UBE3A: variants seen among roughly 807,000 people sequenced by gnomAD.
UBE3A encodes ubiquitin protein ligase E3A.
A neutral mutation model predicts 83.4 loss-of-function variants in UBE3A; 6 were observed. The observed-to-expected ratio is 0.07, with a 90% confidence interval of 0.04 to 0.14. The LOEUF (loss-of-function observed/expected upper bound fraction) is 0.14, where lower values mean the gene tolerates loss of function less well. Ranked by LOEUF, UBE3A falls within the 10% of genes least tolerant of loss-of-function variation. The pLI, the probability that UBE3A is intolerant of heterozygous loss-of-function variation, is 1.00. For synonymous variants in UBE3A, 337 were observed against 355.4 expected, an observed-to-expected ratio of 0.95 and a Z score of 0.58; for missense variants, 456 against 1,036.1, an observed-to-expected ratio of 0.44 and a Z score of 7.69.
rs1012735517 is a variant in UBE3A, at chr15:25,374,300, T to C, written c.361+1165A>G. ...ATAAGCACCTCTAAGATGGAGCACG[T>C]GGCCAAAAGAGCAGATGAGCACATT... On this transcript the variant is annotated intron_variant, in intron 5 of 12. Coordinates refer to ENST00000648336, the MANE Select transcript of UBE3A (RefSeq NM_130839.5). 6 of 152,388 alleles carry C rather than the reference T, an allele frequency of 3.9e-5. No homozygotes were observed. The East Asian group carries it at 1.2e-3, about 29-fold the overall frequency. 9.4% of individuals were successfully genotyped at this position (152,388 alleles called of 1,614,324 possible).
chr15:25,398,799 A>T (rs1405852980), intron 4 of UBE3A, among the ~76,000 whole-genome samples: 1 of 82,212 alleles, frequency 1.2e-5, no homozygotes, highest in East Asian at 1.2e-3. Context: ...ATATATATAT[A>T]TATATATATA....
chr15:25,397,055 G>C (rs896936192), intron 4 of UBE3A, among the ~76,000 whole-genome samples: 3 of 152,236 alleles, frequency 2.0e-5, no homozygotes, highest in Non-Finnish European at 4.4e-5. Flanking sequence ...TACTATTAAG[G>C]TATTAGGTTG....
intron 4 of UBE3A, among the ~76,000 whole-genome samples, chr15:25,382,751 G>C (rs182956957): frequency 8.5e-4 from 129 of 152,002 alleles, no homozygotes; most frequent in East Asian, 2.5e-3. Context: ...GCAACAACTG[G>C]AAATTAGAAA....
At chr15:25,375,438 T>C (rs564747340) in intron 5 of UBE3A, 27 bp downstream of exon 5, 1 of 1,610,788 alleles carries the variant, frequency 6.2e-7, no homozygotes, top group South Asian at 1.1e-5. Flanking sequence ...CAGGCAACAA[T>C]TCTCAATTGA....
At chr15:25,359,205 A>G (rs1047748844) in intron 7 of UBE3A, among the ~76,000 whole-genome samples, 4 of 152,212 alleles carry the variant, frequency 2.6e-5, no homozygotes, top group African/African-American at 9.6e-5. Flanking sequence ...ATATAATGCA[A>G]GTATGCTTTA....
At position 25,429,321 on chromosome 15, in the gene UBE3A, C is replaced by T. The variant is rs181222277; in HGVS notation, c.-165+9168G>A. On this transcript the variant is annotated intron_variant, in intron 1 of 12. Coordinates refer to ENST00000648336, the MANE Select transcript of UBE3A (RefSeq NM_130839.5). ...GATTATATAACTGCATCCTTTCCCC[C>T]AAGGGATAAAAATGGACATAATTTA... 2.4e-3 allele frequency among the ~76,000 whole-genome samples: 367 copies of T among 151,962 alleles called. 3 individuals carry two copies. The highest frequency in any genetic ancestry group is 8.1e-3 in the African/African-American group (337 of 41,448).
rs2074091349 is a variant in UBE3A, at chr15:25,337,913, G to A, written c.*1224C>T. 6.6e-6 allele frequency: 1 copy of A among 152,126 alleles called. No homozygotes were observed. The highest frequency in any genetic ancestry group is 2.1e-4 in the South Asian group (1 of 4,830). The allele number at this position is 152,126 out of a possible 1,614,324, so 9.4% of individuals were successfully genotyped here. On this transcript the variant is annotated 3_prime_UTR_variant, in exon 13 of 13. Transcript: ENST00000648336. ...CTACTTGTACTTTTCCATAGTACAT[G>A]AAAGTAACGTTTAACATGTTTTGAA...
At chr15:25,342,737 A>T (rs2075053917) in intron 11 of UBE3A, among the ~76,000 whole-genome samples, 2 of 152,174 alleles carry the variant, frequency 1.3e-5, no homozygotes, top group African/African-American at 2.4e-5. Context: ...AGGGTCCAGC[A>T]GGAGCTACAT....
At chr15:25,380,958 C>G (rs969430458) in intron 4 of UBE3A, among the ~76,000 whole-genome samples, 1 of 152,172 alleles carries the variant, frequency 6.6e-6, no homozygotes, top group Non-Finnish European at 1.5e-5. Flanking sequence ...GTGCTACAAA[C>G]AGAAGTCCTA....
Position 25,334,607 on chromosome 15 carries a change from A to G in UBE3A, c.*4530T>C, listed in dbSNP as rs1040003862. Reference sequence around the variant, plus strand: ...AAAACAGACAAAATGATTTTGGGGAAAAAAAAAAAAAAAATGGAGGACTTG... The same window carrying G: ...AAAACAGACAAAATGATTTTGGGGAGAAAAAAAAAAAAAATGGAGGACTTG... On this transcript the variant is annotated 3_prime_UTR_variant, in exon 13 of 13. Transcript: ENST00000648336. The G allele has an allele frequency of 2.7e-3, 128 of 46,948 alleles. No homozygotes were observed. The highest frequency in any genetic ancestry group is 0.021 in the Middle Eastern group (1 of 48). The allele number at this position is 46,948 out of a possible 1,614,324, so 2.9% of individuals were successfully genotyped here.
intron 4 of UBE3A, among the ~76,000 whole-genome samples, chr15:25,396,880 T>C (rs2085702146): frequency 6.6e-6 from 1 of 152,158 alleles, no homozygotes; most frequent in South Asian, 2.1e-4. Flanking sequence ...ATATAAATTA[T>C]TATTTAAGAT....
At chr15:25,421,800 CTG>C (rs1489061106) in intron 1 of UBE3A, 1 of 152,062 alleles carries the variant, frequency 6.6e-6, no homozygotes, top group Non-Finnish European at 1.5e-5. Context: ...CAATTAAAGA[CTG>C]AGAACATCAA....
intron 4 of UBE3A, among the ~76,000 whole-genome samples, chr15:25,392,215 A>G (rs1345444403): frequency 6.6e-6 from 1 of 152,198 alleles, no homozygotes; most frequent in Non-Finnish European, 1.5e-5. Context: ...GTAACTGGAA[A>G]TGAAGAATCT....
intron 1 of UBE3A, among the ~76,000 whole-genome samples, chr15:25,430,057 G>A (rs28540197): frequency 9.7e-4 from 83 of 85,610 alleles, no homozygotes; most frequent in African/African-American, 3.4e-3. Flanking sequence ...ATATTTATAT[G>A]TATTATATAT....
chr15:25,355,795 G>C, intron 9 of UBE3A, 97 bp downstream of exon 9: 1 of 1,047,324 alleles, frequency 9.5e-7, no homozygotes, highest in Non-Finnish European at 1.3e-6. Flanking sequence ...TTTTTTTTTT[G>C]TACAGACTAT....
Position 25,364,384 on chromosome 15 carries a change from C to T in UBE3A, c.1609-3857G>A, listed in dbSNP as rs148642587. Among the ~76,000 whole-genome samples, 757 of 151,988 alleles carry T rather than the reference C, an allele frequency of 5.0e-3. 14 individuals carry two copies. Among genetic ancestry groups the T allele is most frequent in the Non-Finnish European group, 3.9e-3 (265 of 67,950 alleles). ...TTAAAAATAACCTCCATCAATTGTT[C>T]GGTCAATTTAAAAAAGATTTAACAA... On this transcript the variant is annotated intron_variant, in intron 6 of 12. Transcript: ENST00000648336.
chr15:25,342,427 T>A (rs2074995187), intron 11 of UBE3A, among the ~76,000 whole-genome samples: 1 of 151,752 alleles, frequency 6.6e-6, no homozygotes. Context: ...CCTTTAAAAA[T>A]TTTATACAAT....
chr15:25,379,032 C>T (rs1566989418), intron 4 of UBE3A, among the ~76,000 whole-genome samples: 3 of 152,154 alleles, frequency 2.0e-5, no homozygotes, highest in Non-Finnish European at 1.5e-5. Context: ...AATGGCTCTA[C>T]CTCTTAATTA....
chr15:25,354,170 GAAAT>G (rs1459911648), intron 11 of UBE3A, 179 bp downstream of exon 11: 1 of 641,354 alleles, frequency 1.6e-6, no homozygotes, highest in African/African-American at 1.8e-5. Flanking sequence ...CTTCATTCAT[GAAAT>G]AAATCACAAG....
Sources: gnomAD v4.1 joint callset for allele counts (sites outside exome capture counted in the v4.1 genomes callset) on GRCh38, gnomAD v4.1.1 for gene constraint, MANE v1.5 for transcripts, NCBI Gene and HGNC (gene_info 2026-07-23, HGNC 2026-07-21) for gene names.